PTPA: variants seen among roughly 807,000 people sequenced by gnomAD.
PTPA encodes the protein serine/threonine-protein phosphatase 2A activator.
Under a neutral mutation model 43.6 loss-of-function variants are expected in PTPA, and 13 were observed. The observed-to-expected ratio is 0.30, with a 90% CI of 0.19 to 0.47. The LOEUF (loss-of-function observed/expected upper bound fraction) is 0.47, where lower values mean the gene tolerates loss of function less well. Among genes scored for constraint, PTPA ranks in the 20% least tolerant of loss-of-function variants. The pLI, the probability that PTPA is intolerant of heterozygous loss-of-function variation, is 0.99. For synonymous variants in PTPA, 172 were observed against 158.2 expected (o/e 1.09, Z -0.66); for missense variants, 329 against 411.9 (o/e 0.80, Z 1.74).
At chr9:129,136,341 T>A (rs1209256152) in intron 6 of PTPA, 130 bp from the exon 7 acceptor site, 2 of 1,029,022 alleles carry the variant, frequency 1.9e-6, no homozygotes, top group Non-Finnish European at 2.7e-6. Context: ...TAAAGCTACA[T>A]TATTGAAATT....
chr9:129,111,195 CTGTCCCGGAAAA>C, upstream of PTPA: 2 of 1,108,964 alleles, frequency 1.8e-6, no homozygotes. Context: ...GGACAGGAGA[CTGTCCCGGAAAA>C]ACATGGCTGA....
At chr9:129,134,752 T>G in intron 5 of PTPA, 43 bp from the exon 6 acceptor site, 2 of 1,496,924 alleles carry the variant, frequency 1.3e-6, no homozygotes, top group South Asian at 2.3e-5. Flanking sequence ...ATCCCAGTCC[T>G]TTACCTGGAC....
At chr9:129,142,162 A>G (rs113029986) in intron 8 of PTPA, 157 of 319,128 alleles carry the variant, frequency 4.9e-4, no homozygotes, top group African/African-American at 3.1e-3. Context: ...TGTGGGAGAA[A>G]GAGGGGTGAC....
intron 2 of PTPA, among the ~76,000 whole-genome samples, chr9:129,121,687 C>T (rs1026713803): frequency 3.9e-5 from 6 of 152,220 alleles, no homozygotes; most frequent in African/African-American, 1.4e-4. Flanking sequence ...CATGCCTTTC[C>T]CCAGCTGTCA....
At chr9:129,128,962 A>G (rs201790229) in intron 3 of PTPA, 23 bp from the exon 4 acceptor site, 2 of 1,612,356 alleles carry the variant, frequency 1.2e-6, no homozygotes, top group Non-Finnish European at 1.7e-6. Flanking sequence ...TGTAGCTTGG[A>G]CCCCTCTATT....
intron 4 of PTPA, among the ~76,000 whole-genome samples, chr9:129,130,381 G>A (rs923580025): frequency 2.0e-5 from 3 of 151,612 alleles, no homozygotes; most frequent in Non-Finnish European, 4.4e-5. Flanking sequence ...GCCCGGGCCT[G>A]CCTCTGGACT....
intron 9 of PTPA, chr9:129,142,898 T>G (rs2254230): frequency 0.29 from 425,162 of 1,489,162 alleles, 62,065 homozygotes; most frequent in Admixed American, 0.32. Context: ...TCGGGCAGTC[T>G]GAGTCTGGCT....
chr9:129,134,983 C>T, intron 6 of PTPA, 89 bp downstream of exon 6: 1 of 1,084,250 alleles, frequency 9.2e-7, no homozygotes, highest in South Asian at 1.4e-5. Flanking sequence ...CTCTAGGGTT[C>T]TCCTGAGTAG....
chr9:129,124,847 A>G (rs1406696207), intron 3 of PTPA, among the ~76,000 whole-genome samples: 1 of 152,182 alleles, frequency 6.6e-6, no homozygotes, highest in Non-Finnish European at 1.5e-5. Context: ...CTGCCCCAAG[A>G]TTAACACTGT....
chr9:129,140,178 T>G (rs757088880), intron 8 of PTPA: 1 of 152,496 alleles, frequency 6.6e-6, no homozygotes, highest in African/African-American at 2.4e-5. Context: ...TCAATATGGC[T>G]GCTCTGACTC....
chr9:129,140,656 G>A (rs528336850), intron 8 of PTPA, among the ~76,000 whole-genome samples: 3 of 152,338 alleles, frequency 2.0e-5, no homozygotes, highest in South Asian at 2.1e-4. Context: ...CGACAAAGCC[G>A]ACAGGGTGCC....
At chr9:129,146,149 C>T (rs1851286674) in intron 9 of PTPA, among the ~76,000 whole-genome samples, 1 of 152,158 alleles carries the variant, frequency 6.6e-6, no homozygotes, top group African/African-American at 2.4e-5. Context: ...ATGACATAAG[C>T]ACCATGGCAG....
intron 9 of PTPA, among the ~76,000 whole-genome samples, chr9:129,143,983 G>A (rs1453909868): frequency 1.3e-5 from 2 of 151,466 alleles, no homozygotes; most frequent in African/African-American, 4.9e-5. Flanking sequence ...CCCAACCCTT[G>A]TGTGCCAAAG....
At chr9:129,123,200 G>A in intron 3 of PTPA, 62 bp downstream of exon 3, 2 of 1,418,236 alleles carry the variant, frequency 1.4e-6, no homozygotes, top group Non-Finnish European at 2.0e-6. Flanking sequence ...GTCACTGGGT[G>A]CGGTGGCTCA....
chr9:129,118,414 G>T (rs568208394), intron 1 of PTPA, among the ~76,000 whole-genome samples: 2 of 150,672 alleles, frequency 1.3e-5, no homozygotes, highest in African/African-American at 2.4e-5. Context: ...CACTCTTGTT[G>T]CCTAGGCTGG....
rs1244254188 is a variant in PTPA at position 129,142,447 on chromosome 9, G to C, written c.789G>C (p.Met263Ile). The change falls in exon 9 of 10, where the codon ATG becomes ATC. Residue 263 changes from methionine (M) to isoleucine (I), a missense_variant and splice_region_variant. By Grantham distance (10) the Met-to-Ile change is conservative (BLOSUM62 1). Transcript: ENST00000393370. ...AGCTTGTGGCTTCTCTTTTTCAGAT[G>C]AAGACTGGCCCATTTGCAGAGCACT... The part of the protein sequence containing the change: ...FLECILFITE[M>I]KTGPFAEHSN... The C allele has an allele frequency of 1.9e-6, 3 of 1,571,192 alleles. No homozygotes were observed. The highest frequency in any genetic ancestry group is 2.6e-6 in the Non-Finnish European group (3 of 1,154,716).
intron 1 of PTPA, among the ~76,000 whole-genome samples, chr9:129,112,946 C>CCCA (rs1554728890): frequency 5.5e-5 from 8 of 145,996 alleles, no homozygotes; most frequent in African/African-American, 1.5e-4. Flanking sequence ...CGTCACCCCC[C>CCCA]AAAAAAAAAA....
intron 3 of PTPA, among the ~76,000 whole-genome samples, chr9:129,125,102 C>G (rs1849491576): frequency 6.6e-6 from 1 of 152,002 alleles, no homozygotes; most frequent in African/African-American, 2.4e-5. Context: ...CCTCCTGGAG[C>G]CTGTGGTGAG....
chr9:129,143,561 C>A, intron 9 of PTPA: 2 of 651,458 alleles, frequency 3.1e-6, no homozygotes, highest in East Asian at 2.7e-5. Context: ...GGTGGGGGAG[C>A]ACAGATGCTT....
Sources: allele counts gnomAD v4.1 joint callset (sites outside exome capture counted in the v4.1 genomes callset), GRCh38; gene constraint gnomAD v4.1.1; transcripts MANE v1.5; gene names NCBI Gene and HGNC (gene_info 2026-07-23, HGNC 2026-07-21).